Variants in S100PBP observed in about 807,000 individuals in gnomAD.
S100PBP encodes the protein S100P binding protein, also known as S100P-binding protein.
Under a neutral mutation model 39.9 loss-of-function variants are expected in S100PBP, and 15 were observed. That is an observed-to-expected ratio of 0.38 (90% CI 0.25 to 0.58). The LOEUF (loss-of-function observed/expected upper bound fraction) is 0.58, where lower values mean the gene tolerates loss of function less well. Among genes scored for constraint, S100PBP ranks in the 20% least tolerant of loss-of-function variants. S100PBP has a pLI of 0.70. For missense variants in S100PBP, 504 were observed against 487.3 expected (o/e 1.03, Z -0.32); for synonymous variants, 178 against 180.3 (o/e 0.99, Z 0.10).
At chr1:32,852,643 C>G (rs1640659249) in intron 5 of S100PBP, 1 of 153,694 alleles carries the variant, frequency 6.5e-6, no homozygotes, top group Admixed American at 6.5e-5. Context: ...TTTATACATC[C>G]TTTAGATCCC....
chr1:32,818,017 G>A (rs2148622847), intron 1 of S100PBP: 1 of 152,846 alleles, frequency 6.5e-6, no homozygotes, highest in South Asian at 2.0e-4. Context: ...CGGCCGGCTC[G>A]GCGGGAGGCT....
chr1:32,836,895 T>C (rs1424833539), intron 5 of S100PBP: 1 of 152,116 alleles, frequency 6.6e-6, no homozygotes, highest in Non-Finnish European at 1.5e-5. Flanking sequence ...TCATACTTGA[T>C]TGATAGTTTG....
chr1:32,817,600 G>A (rs984462659), upstream of S100PBP: 22 of 417,756 alleles, frequency 5.3e-5, no homozygotes, highest in Non-Finnish European at 9.3e-5. Flanking sequence ...CTGACTCGGG[G>A]TAGGGGAGGT....
chr1:32,827,510 G>A (rs1417258291), intron 3 of S100PBP, among the ~76,000 whole-genome samples: 2 of 151,794 alleles, frequency 1.3e-5, no homozygotes, highest in African/African-American at 4.8e-5. Flanking sequence ...TTGAGATAGA[G>A]TCTTACTCTG....
At chr1:32,845,077 TGCAGTGGC>T (rs905609006) in intron 5 of S100PBP, among the ~76,000 whole-genome samples, 14 of 151,914 alleles carry the variant, frequency 9.2e-5, no homozygotes, top group Non-Finnish European at 1.5e-4. Context: ...CAGGCTGGAG[TGCAGTGGC>T]GCGATCTTGG....
chr1:32,844,681 C>G (rs544241136), intron 5 of S100PBP, among the ~76,000 whole-genome samples: 2 of 151,962 alleles, frequency 1.3e-5, no homozygotes, highest in South Asian at 4.2e-4. Flanking sequence ...TTTGGCCTCC[C>G]AAAGTAATGG....
At chr1:32,819,798 T>C (rs1311386805) in intron 1 of S100PBP, among the ~76,000 whole-genome samples, 3 of 152,206 alleles carry the variant, frequency 2.0e-5, no homozygotes, top group South Asian at 4.1e-4. Flanking sequence ...ATAGAACTTT[T>C]AGGTTTAGAG....
intron 6 of S100PBP, among the ~76,000 whole-genome samples, chr1:32,854,270 A>AT (rs1640739180): frequency 6.6e-6 from 1 of 152,182 alleles, no homozygotes; most frequent in Non-Finnish European, 1.5e-5. Context: ...TTCCTTATAT[A>AT]AAATGCCATA....
intron 5 of S100PBP, chr1:32,852,616 CT>C (rs986064523): frequency 2.0e-5 from 3 of 152,772 alleles, no homozygotes; most frequent in African/African-American, 7.2e-5. Flanking sequence ...CCTCCTACCC[CT>C]CTTTACCTCA....
At chr1:32,827,913 A>G (rs1639412008) in intron 3 of S100PBP, 80 bp from the exon 4 acceptor site, 1 of 970,864 alleles carries the variant, frequency 1.0e-6, no homozygotes, top group Admixed American at 1.9e-5. Flanking sequence ...GTTAAAAAAT[A>G]TTTCCATAAA....
intron 1 of S100PBP, among the ~76,000 whole-genome samples, chr1:32,823,292 C>G (rs1449339646): frequency 2.0e-5 from 3 of 152,116 alleles, no homozygotes; most frequent in Non-Finnish European, 4.4e-5. Context: ...CATAAATTTT[C>G]TTAAGTCAAA....
chr1:32,834,125 G>A (rs1351472480), intron 5 of S100PBP: 5 of 198,522 alleles, frequency 2.5e-5, no homozygotes, highest in Admixed American at 6.0e-5. Context: ...CCAAAAAATT[G>A]TATTAATTTT....
chr1:32,840,058 C>T (rs1029572052), intron 5 of S100PBP, among the ~76,000 whole-genome samples: 8 of 152,292 alleles, frequency 5.3e-5, no homozygotes, highest in South Asian at 2.1e-4. Flanking sequence ...AATCTCAGCT[C>T]ACTGCAACCT....
intron 5 of S100PBP, among the ~76,000 whole-genome samples, chr1:32,846,606 TTTA>T (rs949313601): frequency 2.0e-5 from 3 of 151,712 alleles, no homozygotes; most frequent in Non-Finnish European, 2.9e-5. Context: ...TCTTATTAAA[TTTA>T]TTATTATTAT....
chr1:32,818,026 C>CT (rs1443503178), intron 1 of S100PBP: 1 of 152,832 alleles, frequency 6.5e-6, no homozygotes, highest in Non-Finnish European at 1.5e-5. Context: ...CGGCGGGAGG[C>CT]TGTTGCTGGC....
intron 5 of S100PBP, chr1:32,836,617 T>G: frequency 5.1e-6 from 5 of 974,610 alleles, no homozygotes; most frequent in Non-Finnish European, 6.1e-6. Context: ...GTTTCTTTCA[T>G]TAAATTTTTT....
At chr1:32,817,490 G>A (rs1638787199), upstream of S100PBP, 1 of 606,982 alleles carries the variant, frequency 1.6e-6, no homozygotes, top group African/African-American at 1.9e-5. Context: ...GCGGTGCGGA[G>A]GGCGGGGCTG....
chr1:32,842,223 A>ATG (rs1557504749), intron 5 of S100PBP, among the ~76,000 whole-genome samples: 16 of 67,082 alleles, frequency 2.4e-4, no homozygotes, highest in African/African-American at 9.2e-4. Context: ...ATATATATGT[A>ATG]TATATATATA....
At chr1:32,845,600 A>G (rs1480410754) in intron 5 of S100PBP, among the ~76,000 whole-genome samples, 1 of 150,548 alleles carries the variant, frequency 6.6e-6, no homozygotes, top group African/African-American at 2.4e-5. Flanking sequence ...AGAACTTTCT[A>G]TTTTCTCTAA....
Sources: gnomAD v4.1 joint callset for allele counts (sites outside exome capture counted in the v4.1 genomes callset) on GRCh38, gnomAD v4.1.1 for gene constraint, MANE v1.5 for transcripts, NCBI Gene and HGNC (gene_info 2026-07-23, HGNC 2026-07-21) for gene names.